Variants in PDE4D observed in about 807,000 individuals in gnomAD.
PDE4D encodes the protein 3',5'-cyclic-AMP phosphodiesterase 4D.
Under a neutral mutation model 87.4 loss-of-function variants are expected in PDE4D, and 24 were observed. The observed-to-expected ratio is 0.27, with a 90% CI of 0.20 to 0.39. PDE4D has a LOEUF of 0.39. Ranked by LOEUF, PDE4D falls within the 10% of genes least tolerant of loss-of-function variation. The pLI is 1.00. For synonymous variants in PDE4D, 384 were observed against 383.2 expected (o/e 1.00, Z -0.02); for missense variants, 714 against 1,041.0 (o/e 0.69, Z 4.32).
intron 1 of PDE4D, among the ~76,000 whole-genome samples, chr5:60,264,970 A>C (rs1750034814): frequency 6.6e-6 from 1 of 152,208 alleles, no homozygotes. Context: ...CATGATGAAA[A>C]TTACAGGCAT....
chr5:59,962,322 C>T (rs1405253038), intron 3 of PDE4D, among the ~76,000 whole-genome samples: 2 of 152,052 alleles, frequency 1.3e-5, no homozygotes, highest in Admixed American at 6.6e-5. Context: ...AACTAACACA[C>T]ATTGAAACAA....
intron 1 of PDE4D, among the ~76,000 whole-genome samples, chr5:60,201,206 C>CA (rs1161235940): frequency 0.053 from 3,296 of 61,818 alleles, 135 homozygotes; most frequent in African/African-American, 0.14. Flanking sequence ...AAAAAGAAAG[C>CA]AAAAAAAAAA....
chr5:59,242,118 T>C (rs1757807649), intron 1 of PDE4D, among the ~76,000 whole-genome samples: 1 of 152,204 alleles, frequency 6.6e-6, no homozygotes, highest in African/African-American at 2.4e-5. Flanking sequence ...TGGTCAGGCA[T>C]GGTGGCCCAC....
intron 1 of PDE4D, among the ~76,000 whole-genome samples, chr5:59,231,587 T>C (rs922826042): frequency 3.9e-5 from 6 of 152,240 alleles, no homozygotes; most frequent in African/African-American, 1.4e-4. Context: ...TGATGAAGAA[T>C]GAGTTTATTT....
chr5:60,417,054 T>C (rs886162346), intron 1 of PDE4D, among the ~76,000 whole-genome samples: 1 of 152,196 alleles, frequency 6.6e-6, no homozygotes, highest in African/African-American at 2.4e-5. Flanking sequence ...CCAGACTCAT[T>C]TGTACTGCCA....
intron 1 of PDE4D, among the ~76,000 whole-genome samples, chr5:59,833,170 AG>A (rs568194702): frequency 5.8e-4 from 89 of 152,204 alleles, no homozygotes; most frequent in African/African-American, 2.1e-3. Context: ...TCTGTGGTGC[AG>A]AGAAGACAAT....
intron 1 of PDE4D, among the ~76,000 whole-genome samples, chr5:59,714,199 T>C (rs1426763532): frequency 6.6e-6 from 1 of 152,120 alleles, no homozygotes; most frequent in Non-Finnish European, 1.5e-5. Flanking sequence ...TTGGCCAGGG[T>C]TGACTGAGAG....
intron 6 of PDE4D, among the ~76,000 whole-genome samples, chr5:59,031,478 C>T (rs1479037872): frequency 1.4e-5 from 2 of 142,126 alleles, no homozygotes; most frequent in African/African-American, 5.2e-5. Context: ...GAGGCCGAGG[C>T]GGGCCGATCA....
chr5:59,618,216 A>C (rs969469248), intron 1 of PDE4D, among the ~76,000 whole-genome samples: 1 of 152,166 alleles, frequency 6.6e-6, no homozygotes, highest in East Asian at 1.9e-4. Flanking sequence ...AGCCCTCTTA[A>C]GCCCATTCTA....
chr5:60,178,515 A>G (rs899043593), intron 2 of PDE4D, among the ~76,000 whole-genome samples: 7 of 152,076 alleles, frequency 4.6e-5, no homozygotes, highest in Non-Finnish European at 7.4e-5. Context: ...TTTTCCTCCA[A>G]TCCCTTGTTT....
intron 9 of PDE4D, among the ~76,000 whole-genome samples, chr5:58,990,241 A>G (rs955969072): frequency 1.8e-4 from 27 of 152,122 alleles, no homozygotes; most frequent in Non-Finnish European, 3.4e-4. Context: ...CTATTAACTC[A>G]ACCCCTGCAT....
chr5:59,520,886 TAC>T (rs1812098695), intron 1 of PDE4D, among the ~76,000 whole-genome samples: 1 of 116,422 alleles, frequency 8.6e-6, no homozygotes, highest in African/African-American at 5.4e-5. Context: ...TATACATATA[TAC>T]ACATATATAC....
chr5:59,574,119 A>AAAAT (rs1280229031), intron 1 of PDE4D, among the ~76,000 whole-genome samples: 106 of 2,648 alleles, frequency 0.04, 8 homozygotes, highest in African/African-American at 0.082. Flanking sequence ...TATATATATA[A>AAAAT]ATATATATTT....
intron 1 of PDE4D, among the ~76,000 whole-genome samples, chr5:59,226,784 C>A (rs153968): frequency 0.73 from 110,587 of 151,986 alleles, 41,616 homozygotes; most frequent in African/African-American, 0.92. Flanking sequence ...ACCTAGAAAT[C>A]ATGAGAACTT....
At chr5:59,496,443 C>G (rs995912501) in intron 1 of PDE4D, among the ~76,000 whole-genome samples, 1 of 152,154 alleles carries the variant, frequency 6.6e-6, no homozygotes, top group African/African-American at 2.4e-5. Context: ...GGGTGGAGCC[C>G]TCGCCAGGGA....
chr5:59,113,985 C>T (rs374951008), intron 5 of PDE4D, among the ~76,000 whole-genome samples: 46 of 152,222 alleles, frequency 3.0e-4, no homozygotes, highest in African/African-American at 1.0e-3. Flanking sequence ...TTTCCAAGAG[C>T]TAATTTTTAT....
intron 5 of PDE4D, among the ~76,000 whole-genome samples, chr5:59,104,469 G>C: frequency 6.6e-6 from 1 of 152,156 alleles, no homozygotes; most frequent in Non-Finnish European, 1.5e-5. Flanking sequence ...AGTTAAAAGC[G>C]TAAGCTCTCC....
intron 1 of PDE4D, among the ~76,000 whole-genome samples, chr5:60,432,093 A>AGGAGAGGGAGAG (rs60718677): frequency 0.031 from 4,674 of 150,210 alleles, 114 homozygotes; most frequent in African/African-American, 0.044. Context: ...CGTGGGGAGA[A>AGGAGAGGGAGAG]GGAGAGGGAG....
At chr5:59,582,789 C>T (rs1341495784) in intron 1 of PDE4D, among the ~76,000 whole-genome samples, 1 of 152,174 alleles carries the variant, frequency 6.6e-6, no homozygotes, top group African/African-American at 2.4e-5. Flanking sequence ...GAAAGTGCCA[C>T]AGTCACCTCA....
Sources: gnomAD v4.1 joint callset for allele counts (sites outside exome capture counted in the v4.1 genomes callset) on GRCh38, gnomAD v4.1.1 for gene constraint, MANE v1.5 for transcripts, NCBI Gene and HGNC (gene_info 2026-07-23, HGNC 2026-07-21) for gene names.